PTPRM: variants seen among roughly 807,000 people sequenced by gnomAD.
PTPRM encodes the protein protein tyrosine phosphatase receptor type M, also known as receptor-type tyrosine-protein phosphatase mu.
A neutral mutation model predicts 186.7 loss-of-function variants in PTPRM; 47 were observed. The observed-to-expected ratio is 0.25, with a 90% CI of 0.20 to 0.32. PTPRM has a LOEUF of 0.32. PTPRM is among the 10% of genes least tolerant of loss of function. The pLI is 1.00. For missense variants in PTPRM, 1,494 were observed against 1,865.0 expected (o/e 0.80, Z 3.66); for synonymous variants, 668 against 674.9 (o/e 0.99, Z 0.16).
At chr18:7,817,889 A>G (rs571022133) in intron 2 of PTPRM, among the ~76,000 whole-genome samples, 2 of 152,304 alleles carry the variant, frequency 1.3e-5, no homozygotes, top group African/African-American at 4.8e-5. Flanking sequence ...CTGGAAGGGA[A>G]TGAGGCTACA....
chr18:8,008,901 AT>A (rs1372709168), intron 7 of PTPRM, among the ~76,000 whole-genome samples: 3 of 152,216 alleles, frequency 2.0e-5, no homozygotes, highest in African/African-American at 7.2e-5. Flanking sequence ...AGAAAGAGAA[AT>A]CCTGAGTAAA....
chr18:7,677,258 G>T (rs910157849), intron 1 of PTPRM, among the ~76,000 whole-genome samples: 1 of 152,174 alleles, frequency 6.6e-6, no homozygotes, highest in Non-Finnish European at 1.5e-5. Flanking sequence ...TGACCACGGG[G>T]AATTGTTTGG....
At chr18:8,307,847 A>C (rs986102458) in intron 20 of PTPRM, among the ~76,000 whole-genome samples, 1 of 152,010 alleles carries the variant, frequency 6.6e-6, no homozygotes, top group Non-Finnish European at 1.5e-5. Flanking sequence ...CTATAGAGTC[A>C]CCGTCACTCC....
chr18:8,384,297 A>G (rs566415805), intron 29 of PTPRM, among the ~76,000 whole-genome samples: 131 of 152,216 alleles, frequency 8.6e-4, no homozygotes, highest in Non-Finnish European at 9.4e-4. Flanking sequence ...TGTGTCTCCA[A>G]AAATACAAAA....
chr18:8,245,842 T>G (rs1367909091), intron 15 of PTPRM, among the ~76,000 whole-genome samples: 2 of 152,244 alleles, frequency 1.3e-5, no homozygotes, highest in Non-Finnish European at 2.9e-5. Flanking sequence ...GTTTGAAGTT[T>G]GAACAACAAG....
chr18:7,974,479 G>A (rs751801206), intron 7 of PTPRM, among the ~76,000 whole-genome samples: 3 of 152,204 alleles, frequency 2.0e-5, no homozygotes, highest in Non-Finnish European at 4.4e-5. Context: ...CAAATAAATG[G>A]TTTTAATCCG....
intron 2 of PTPRM, among the ~76,000 whole-genome samples, chr18:7,783,254 G>A (rs577178966): frequency 1.3e-5 from 2 of 152,260 alleles, no homozygotes; most frequent in East Asian, 1.9e-4. Context: ...AATATCCACC[G>A]AGGATTCACT....
intron 22 of PTPRM, among the ~76,000 whole-genome samples, chr18:8,319,954 TG>T (rs2095335370): frequency 6.6e-6 from 1 of 151,924 alleles, no homozygotes; most frequent in Non-Finnish European, 1.5e-5. Context: ...GCGTATGAAG[TG>T]GGTCATCTGC....
intron 11 of PTPRM, among the ~76,000 whole-genome samples, chr18:8,096,819 T>C (rs968046500): frequency 1.3e-5 from 2 of 152,192 alleles, no homozygotes; most frequent in Non-Finnish European, 2.9e-5. Flanking sequence ...TTAACTGATT[T>C]GACTATAGAT....
chr18:7,960,636 T>C (rs532857581), intron 7 of PTPRM, among the ~76,000 whole-genome samples: 2 of 152,038 alleles, frequency 1.3e-5, no homozygotes, highest in African/African-American at 4.8e-5. Context: ...CATACATCTG[T>C]AGTCCCAGCT....
rs749637336 is a variant in PTPRM at position 8,378,246 on chromosome 18, G to A, written c.3463-19G>A. 52 of 1,599,486 alleles carry A rather than the reference G, an allele frequency of 3.3e-5. No homozygotes were observed. Among genetic ancestry groups the A allele is most frequent in the East Asian group, 8.9e-5 (4 of 44,764 alleles). ...TCTGGTTCTCTAAAGTTAGTAACTC[G>A]TTCCATCTCCTTCTCCAGGAGCAGT... On this transcript the variant is annotated intron_variant, in intron 26 of 32. Coordinates refer to ENST00000580170, the MANE Select transcript of PTPRM (RefSeq NM_001105244.2).
intron 2 of PTPRM, among the ~76,000 whole-genome samples, chr18:7,858,847 A>G (rs1291266183): frequency 1.3e-5 from 2 of 152,194 alleles, no homozygotes; most frequent in Admixed American, 6.5e-5. Flanking sequence ...GATACCAAGG[A>G]TATCTATAAA....
chr18:8,187,943 C>T (rs909157641), intron 14 of PTPRM, among the ~76,000 whole-genome samples: 3 of 152,156 alleles, frequency 2.0e-5, no homozygotes, highest in Non-Finnish European at 4.4e-5. Flanking sequence ...ACTGCAAATG[C>T]TTATATTAAA....
intron 30 of PTPRM, 148 bp from the exon 31 acceptor site, chr18:8,386,924 T>C (rs2095778598): frequency 1.2e-6 from 1 of 806,708 alleles, no homozygotes; most frequent in African/African-American, 1.7e-5. Flanking sequence ...CCATAACTCT[T>C]CAGGCCAGCA....
chr18:7,580,943 G>A (rs1051925622), intron 1 of PTPRM, among the ~76,000 whole-genome samples: 5 of 152,164 alleles, frequency 3.3e-5, no homozygotes, highest in African/African-American at 7.2e-5. Flanking sequence ...TATAAAATCC[G>A]TATGATGACC....
At position 8,344,159 on chromosome 18, in the gene PTPRM, C is replaced by G. The variant is rs114309859; in HGVS notation, c.3054+639C>G. ...GAGCAAACACACAGCGTGCAGTTGC[C>G]TTTTTTACAGTAGGTTGAATTCCAT... On this transcript the variant is annotated intron_variant, in intron 23 of 32. Transcript: ENST00000580170. Among the ~76,000 whole-genome samples, 298 of 152,118 alleles carry G rather than the reference C, an allele frequency of 2.0e-3. 1 individual carries two copies. Among genetic ancestry groups the G allele is most frequent in the Middle Eastern group, 6.8e-3 (2 of 294 alleles).
chr18:7,893,856 G>A (rs1217600166), intron 3 of PTPRM, among the ~76,000 whole-genome samples: 3 of 152,144 alleles, frequency 2.0e-5, no homozygotes, highest in East Asian at 1.9e-4. Flanking sequence ...AAATCGCTAT[G>A]TAAGACCTGA....
rs143019904 is a variant in PTPRM at position 8,139,207 on chromosome 18, G to A, written c.2168-4440G>A. Among the ~76,000 whole-genome samples, 116 of 152,008 alleles carry A rather than the reference G, an allele frequency of 7.6e-4. No individual in the cohort carries two copies. In the East Asian group the frequency reaches 0.017, roughly 22 times the overall value. On this transcript the variant is annotated intron_variant, in intron 13 of 32. Transcript: ENST00000580170. ...CAAACCTGCTCCTCCTGCAGTTCTCGCCCTGTCAGTTAGTAGCAGCTGTGT... is the reference window on the plus strand; with the variant it reads ...CAAACCTGCTCCTCCTGCAGTTCTCACCCTGTCAGTTAGTAGCAGCTGTGT...
chr18:7,762,513 A>G (rs1175380743), intron 1 of PTPRM, among the ~76,000 whole-genome samples: 1 of 152,210 alleles, frequency 6.6e-6, no homozygotes, highest in Non-Finnish European at 1.5e-5. Context: ...GAAAAACAAC[A>G]GATGTCACAT....
Sources: gnomAD v4.1 joint callset for allele counts (sites outside exome capture counted in the v4.1 genomes callset) on GRCh38, gnomAD v4.1.1 for gene constraint, MANE v1.5 for transcripts, NCBI Gene and HGNC (gene_info 2026-07-23, HGNC 2026-07-21) for gene names.